The following CTNNA2 variants were observed in gnomAD, a reference collection of about 807,000 sequenced individuals.
CTNNA2 encodes catenin alpha 2.
Under a neutral mutation model 101.0 loss-of-function variants are expected in CTNNA2, and 42 were observed. The observed-to-expected ratio is 0.42, with a 90% CI of 0.32 to 0.54. The LOEUF (loss-of-function observed/expected upper bound fraction) is 0.54, where lower values mean the gene tolerates loss of function less well. Among genes scored for constraint, CTNNA2 ranks in the 20% least tolerant of loss-of-function variants. CTNNA2 has a pLI of 0.14. For missense variants in CTNNA2, 871 were observed against 1,223.1 expected (o/e 0.71, Z 4.29); for synonymous variants, 450 against 456.4 (o/e 0.99, Z 0.18).
At chr2:79,835,581 T>C (rs1679262792) in intron 3 of CTNNA2, among the ~76,000 whole-genome samples, 1 of 151,726 alleles carries the variant, frequency 6.6e-6, no homozygotes, top group Admixed American at 6.6e-5. Context: ...AGATGTCTTC[T>C]GTGTGTCCTT....
chr2:79,348,031 G>A (rs1677301334), intron 3 of CTNNA2, among the ~76,000 whole-genome samples: 1 of 151,970 alleles, frequency 6.6e-6, no homozygotes, highest in Non-Finnish European at 1.5e-5. Context: ...GTAAAACAAG[G>A]GTAGAAGTAG....
intron 7 of CTNNA2, among the ~76,000 whole-genome samples, chr2:80,345,815 T>G (rs924824718): frequency 6.6e-6 from 1 of 152,156 alleles, no homozygotes; most frequent in Non-Finnish European, 1.5e-5. Context: ...CTAATGTATC[T>G]TCTTAAATTT....
chr2:80,116,383 A>T (rs999956633), intron 7 of CTNNA2, among the ~76,000 whole-genome samples: 3 of 152,032 alleles, frequency 2.0e-5, no homozygotes, highest in African/African-American at 7.2e-5. Flanking sequence ...AGCTAAAAAA[A>T]AAAAAAAAAA....
intron 7 of CTNNA2, among the ~76,000 whole-genome samples, chr2:79,955,997 A>T (rs1053684955): frequency 6.6e-6 from 1 of 152,250 alleles, no homozygotes; most frequent in African/African-American, 2.4e-5. Context: ...TCAGTTCACC[A>T]GAATAACAGG....
intron 5 of CTNNA2, among the ~76,000 whole-genome samples, chr2:79,507,329 G>T (rs1671434493): frequency 6.6e-6 from 1 of 152,192 alleles, no homozygotes; most frequent in Non-Finnish European, 1.5e-5. Context: ...GTGTTGAGAA[G>T]TGGGAACTTT....
At chr2:80,159,774 C>T (rs796536087) in intron 7 of CTNNA2, among the ~76,000 whole-genome samples, 30 of 152,076 alleles carry the variant, frequency 2.0e-4, no homozygotes, top group African/African-American at 5.8e-4. Flanking sequence ...GTGCCTGGCC[C>T]GTAACTTCTT....
chr2:80,415,658 A>G (rs1370155803), intron 8 of CTNNA2, among the ~76,000 whole-genome samples: 4 of 152,174 alleles, frequency 2.6e-5, no homozygotes, highest in Non-Finnish European at 5.9e-5. Flanking sequence ...AGGTGCCTCA[A>G]AAAATTAAAA....
rs372502309 is a variant in CTNNA2, at chr2:80,303,582, G to C, written c.1057-89629G>C. 1 of 1,614,222 alleles carries C rather than the reference G, an allele frequency of 6.2e-7. No homozygotes were observed. The highest frequency in any genetic ancestry group is 8.5e-7 in the Non-Finnish European group (1 of 1,180,038). On this transcript the variant is annotated intron_variant, in intron 7 of 18. Transcript: ENST00000402739. This position sits in a 1 kb window ranked among gnomAD's most constrained non-coding sequence, Gnocchi z 7.7. The stretch of plus-strand genomic sequence containing the variant: ...AACCCCGTGAACTGGCCGGCGCGCA[G>C]CTCCGAGAGGCTGTTGTAGCGCAGG...
At chr2:79,509,111 T>C (rs1671481689), upstream of CTNNA2, among the ~76,000 whole-genome samples, 1 of 151,444 alleles carries the variant, frequency 6.6e-6, no homozygotes, top group African/African-American at 2.4e-5. Flanking sequence ...AAACAAGTTA[T>C]TTTAATTTTT....
intron 7 of CTNNA2, among the ~76,000 whole-genome samples, chr2:79,973,038 A>G (rs1690594478): frequency 6.6e-6 from 1 of 152,144 alleles, no homozygotes; most frequent in Non-Finnish European, 1.5e-5. Flanking sequence ...GAGAGAGAGA[A>G]AGAGGCCATG....
intron 7 of CTNNA2, among the ~76,000 whole-genome samples, chr2:80,256,282 C>G (rs1043911555): frequency 1.3e-5 from 2 of 152,116 alleles, no homozygotes; most frequent in Non-Finnish European, 2.9e-5. Context: ...CGGGCTCTAT[C>G]TAGCCAGCAA....
chr2:79,471,332 C>T (rs1156354012), intron 4 of CTNNA2, among the ~76,000 whole-genome samples: 1 of 152,116 alleles, frequency 6.6e-6, no homozygotes, highest in East Asian at 1.9e-4. Context: ...TTATTTCTCA[C>T]AGTTCTAGAG....
chr2:80,437,613 C>A (rs913449044), intron 9 of CTNNA2, among the ~76,000 whole-genome samples: 15 of 152,140 alleles, frequency 9.9e-5, no homozygotes, highest in African/African-American at 3.6e-4. Flanking sequence ...AGTTATTGTT[C>A]TTTCTGGCAT....
chr2:79,284,660 GC>G (rs1675506544), intron 2 of CTNNA2, among the ~76,000 whole-genome samples: 1 of 149,984 alleles, frequency 6.7e-6, no homozygotes, highest in African/African-American at 2.4e-5. Flanking sequence ...GATTCATTTT[GC>G]CAGTATTTTA....
intron 9 of CTNNA2, among the ~76,000 whole-genome samples, chr2:80,533,852 A>G (rs1012528142): frequency 1.3e-4 from 20 of 152,170 alleles, no homozygotes; most frequent in Admixed American, 1.2e-3. Flanking sequence ...CATTCCCGGC[A>G]TGGTTTAAGG....
chr2:80,171,538 A>G lies in CTNNA2; in HGVS notation c.1057-221673A>G, dbSNP rs187537602. On this transcript the variant is annotated intron_variant, in intron 7 of 18. Coordinates refer to ENST00000402739, the MANE Select transcript of CTNNA2 (RefSeq NM_001282597.3). ...ATGTGACAACCCAAAGGTAACAGCA[A>G]TCTAGGATGGGGAGGCATCAGTGCT... Among the ~76,000 whole-genome samples the G allele has an allele frequency of 3.1e-4, 47 of 152,300 alleles. No individual in the cohort carries two copies. The East Asian group carries it at 8.1e-3, about 26-fold the overall frequency.
intron 7 of CTNNA2, among the ~76,000 whole-genome samples, chr2:80,181,591 A>G (rs1250854650): frequency 6.6e-6 from 1 of 152,156 alleles, no homozygotes; most frequent in East Asian, 1.9e-4. Flanking sequence ...ACTCAGGGTA[A>G]TCTTGGAAGA....
chr2:79,231,581 T>A (rs1674493909), intron 2 of CTNNA2, among the ~76,000 whole-genome samples: 1 of 152,210 alleles, frequency 6.6e-6, no homozygotes, highest in Non-Finnish European at 1.5e-5. Context: ...TAGAATAGAT[T>A]TCTCTGGTTC....
chr2:80,096,544 C>G (rs1278947617), intron 7 of CTNNA2, among the ~76,000 whole-genome samples: 1 of 152,152 alleles, frequency 6.6e-6, no homozygotes, highest in Non-Finnish European at 1.5e-5. Flanking sequence ...GAGCTGAGTT[C>G]AATTCCTGGA....
Sources: allele counts gnomAD v4.1 joint callset (sites outside exome capture counted in the v4.1 genomes callset), GRCh38; gene constraint gnomAD v4.1.1; non-coding constraint Gnocchi (gnomAD v3.1); transcripts MANE v1.5; gene names NCBI Gene and HGNC (gene_info 2026-07-23, HGNC 2026-07-21).